Variants in MAMDC2 observed in about 807,000 individuals in gnomAD.
The protein encoded by MAMDC2 is MAM domain-containing protein 2.
MAMDC2 carries 57 observed loss-of-function variants against 89.8 expected under a neutral mutation model. The ratio of observed to expected loss-of-function variants is 0.63; its 90% CI spans 0.51 to 0.79. MAMDC2 has a LOEUF of 0.79. Ranked by LOEUF, MAMDC2 falls within the 30% of genes least tolerant of loss-of-function variation. The pLI is 0.00. For synonymous variants in MAMDC2, 313 were observed against 293.4 expected (o/e 1.07, Z -0.68); for missense variants, 800 against 820.6 (o/e 0.97, Z 0.31).
chr9:70,142,984 G>A (rs1033736206), intron 8 of MAMDC2, among the ~76,000 whole-genome samples: 3 of 152,076 alleles, frequency 2.0e-5, no homozygotes, highest in African/African-American at 4.8e-5. Flanking sequence ...GAAGAACATA[G>A]ATCTTTAGCA....
At chr9:70,068,725 C>CA (rs34946038) in intron 2 of MAMDC2, among the ~76,000 whole-genome samples, 73,092 of 99,906 alleles carry the variant, frequency 0.73, 27,867 homozygotes, top group Middle Eastern at 0.88. Context: ...CCCTCCATCA[C>CA]AAAAAAAAAA....
intron 2 of MAMDC2, chr9:70,088,177 A>C (rs1827813447): frequency 6.6e-6 from 1 of 152,134 alleles, no homozygotes; most frequent in African/African-American, 2.4e-5. Context: ...TCCTACAGTT[A>C]AACCAAGAAA....
intron 11 of MAMDC2, among the ~76,000 whole-genome samples, chr9:70,209,184 C>T (rs549756684): frequency 7.9e-5 from 12 of 152,124 alleles, no homozygotes; most frequent in East Asian, 7.7e-4. Flanking sequence ...TCTGTTGATT[C>T]GAATAGTTTC....
At chr9:70,222,474 T>C (rs558298019) in intron 12 of MAMDC2, among the ~76,000 whole-genome samples, 1 of 152,278 alleles carries the variant, frequency 6.6e-6, no homozygotes, top group East Asian at 1.9e-4. Flanking sequence ...CCATTTGAGA[T>C]TGATCCTATG....
At position 70,126,405 on chromosome 9, in the gene MAMDC2, AC is replaced by A; in HGVS notation, c.894del (p.Met299TrpfsTer65). 4.3e-6 allele frequency: 7 copies of A among 1,612,636 alleles called. No homozygotes were observed. Among genetic ancestry groups the A allele is most frequent in the East Asian group, 2.2e-5 (1 of 44,824 alleles). On this transcript the variant is annotated frameshift_variant, in exon 6 of 14. Coordinates refer to ENST00000377182, the MANE Select transcript of MAMDC2 (RefSeq NM_153267.5). LOFTEE classifies it high-confidence loss of function. ...GCGGAGGTCGAGTTCAGTGCTCCTTACCCCATGGAGGTAGGTGTACTGGTGC... is the reference window on the plus strand; with the variant it reads ...GCGGAGGTCGAGTTCAGTGCTCCTTACCCATGGAGGTAGGTGTACTGGTGC... ...NLAEVEFSAP[Y>X]PMEVIFEVAF...
intron 2 of MAMDC2, among the ~76,000 whole-genome samples, chr9:70,047,099 C>T (rs997584041): frequency 1.3e-5 from 2 of 152,188 alleles, no homozygotes; most frequent in Admixed American, 6.5e-5. Context: ...TGCAGAAACC[C>T]TTTGAAACTG....
intron 6 of MAMDC2, among the ~76,000 whole-genome samples, chr9:70,127,521 C>A (rs776516551): frequency 2.6e-5 from 4 of 151,840 alleles, no homozygotes; most frequent in Non-Finnish European, 5.9e-5. Context: ...CTTTAAAGTG[C>A]CAGAGAAACA....
At chr9:70,083,107 T>C (rs1346838898) in intron 2 of MAMDC2, among the ~76,000 whole-genome samples, 1 of 152,196 alleles carries the variant, frequency 6.6e-6, no homozygotes, top group African/African-American at 2.4e-5. Flanking sequence ...TTTTATTTTA[T>C]AAGTAAAATC....
At chr9:70,102,275 A>T (rs3015194) in intron 2 of MAMDC2, among the ~76,000 whole-genome samples, 1 of 152,112 alleles carries the variant, frequency 6.6e-6, no homozygotes, top group African/African-American at 2.4e-5. Flanking sequence ...CTAGGTTATA[A>T]TTTACAAATC....
chr9:70,077,889 C>A (rs536481855), intron 2 of MAMDC2, among the ~76,000 whole-genome samples: 1 of 151,268 alleles, frequency 6.6e-6, no homozygotes, highest in African/African-American at 2.5e-5. Flanking sequence ...AAGCCCAGCC[C>A]AAACAACAAA....
chr9:70,204,742 G>A (rs947973773), intron 11 of MAMDC2, among the ~76,000 whole-genome samples: 1 of 152,224 alleles, frequency 6.6e-6, no homozygotes, highest in Admixed American at 6.5e-5. Flanking sequence ...AGCCAGGTGT[G>A]GGATATAGTC....
At chr9:70,178,819 G>A (rs1275094060) in intron 11 of MAMDC2, among the ~76,000 whole-genome samples, 3 of 152,168 alleles carry the variant, frequency 2.0e-5, no homozygotes, top group African/African-American at 4.8e-5. Flanking sequence ...CTCTCCTTGT[G>A]GGTATCTGAG....
chr9:70,186,578 G>T (rs958138969), intron 11 of MAMDC2, among the ~76,000 whole-genome samples: 9 of 152,024 alleles, frequency 5.9e-5, no homozygotes, highest in African/African-American at 2.2e-4. Context: ...TTTCCTCTGG[G>T]TGCATTTAAT....
chr9:70,114,654 A>C (rs10481740), intron 5 of MAMDC2, among the ~76,000 whole-genome samples: 98,482 of 151,930 alleles, frequency 0.65, 32,395 homozygotes, highest in Admixed American at 0.71. Context: ...TAAATCTAGC[A>C]TTTTCATTAA....
At chr9:70,162,765 G>A (rs1353730189) in intron 9 of MAMDC2, among the ~76,000 whole-genome samples, 2 of 152,058 alleles carry the variant, frequency 1.3e-5, no homozygotes, top group Non-Finnish European at 2.9e-5. Context: ...GAACAGGCAT[G>A]AGCCATGGCA....
At chr9:70,179,930 C>T (rs1176036963) in intron 11 of MAMDC2, among the ~76,000 whole-genome samples, 1 of 134,220 alleles carries the variant, frequency 7.5e-6, no homozygotes, top group Non-Finnish European at 1.5e-5. Context: ...AGGTTTGTTA[C>T]ACAGGTATAC....
At chr9:70,183,672 C>A (rs542191114) in intron 11 of MAMDC2, among the ~76,000 whole-genome samples, 2 of 151,078 alleles carry the variant, frequency 1.3e-5, no homozygotes, top group Admixed American at 1.3e-4. Flanking sequence ...GCAACCCTTG[C>A]TTTTTTTTTC....
rs1188505992 is a variant in MAMDC2 at position 70,218,514 on chromosome 9, C to T, written c.1829C>T (p.Ser610Phe). Residue 610 changes from serine (S) to phenylalanine (F), a missense_variant, in exon 12 of 14, where the codon TCC becomes TTC. Transcript: ENST00000377182. The stretch of plus-strand genomic sequence containing the variant: ...AAAAAGGAAGAAGACAGTGAAGAGT[C>T]CCTCTTATGGAGGAGAAGAGGTGAA... ...YLKKEEDSEE[S>F]LLWRRRGEQS... The T allele has an allele frequency of 1.2e-6, 2 of 1,614,078 alleles. No individual in the cohort carries two copies. Among genetic ancestry groups the T allele is most frequent in the African/African-American group, 1.3e-5 (1 of 75,054 alleles).
chr9:70,167,352 T>C (rs7857292), intron 9 of MAMDC2, among the ~76,000 whole-genome samples: 119,188 of 152,076 alleles, frequency 0.78, 46,845 homozygotes, highest in Admixed American at 0.83. Context: ...TTTACATTTC[T>C]TTTTAAATAA....
Sources: allele counts gnomAD v4.1 joint callset (sites outside exome capture counted in the v4.1 genomes callset), GRCh38; gene constraint gnomAD v4.1.1; transcripts MANE v1.5; gene names NCBI Gene and HGNC (gene_info 2026-07-23, HGNC 2026-07-21).